Variants in RAB3GAP1 observed in about 807,000 individuals in gnomAD.
RAB3GAP1 encodes RAB3 GTPase activating protein catalytic subunit 1.
In RAB3GAP1, 86 loss-of-function variants were observed where a neutral mutation model predicts 130.7. The ratio of observed to expected loss-of-function variants is 0.66; its 90% CI spans 0.55 to 0.79. The LOEUF (loss-of-function observed/expected upper bound fraction) is 0.79. RAB3GAP1 is among the 30% of genes least tolerant of loss of function. The pLI, the probability that RAB3GAP1 is intolerant of heterozygous loss-of-function variation, is 0.00. For missense variants in RAB3GAP1, 1,029 were observed against 1,169.4 expected (o/e 0.88, Z 1.75); for synonymous variants, 367 against 401.7 (o/e 0.91, Z 1.03).
At chr2:135,117,454 C>G (rs1691009665) in intron 7 of RAB3GAP1, among the ~76,000 whole-genome samples, 3 of 109,020 alleles carry the variant, frequency 2.8e-5, no homozygotes, top group Admixed American at 1.1e-4. Context: ...TCTTCTTCTT[C>G]TGCTTCTGCT....
chr2:135,172,900 G>C (rs1487255873), downstream of RAB3GAP1, among the ~76,000 whole-genome samples: 1 of 152,164 alleles, frequency 6.6e-6, no homozygotes, highest in Non-Finnish European at 1.5e-5. Flanking sequence ...GGAAGTGTTG[G>C]TATGTCACTC....
intron 3 of RAB3GAP1, among the ~76,000 whole-genome samples, chr2:135,073,094 CA>C (rs1350888375): frequency 6.6e-6 from 1 of 152,214 alleles, no homozygotes; most frequent in African/African-American, 2.4e-5. Flanking sequence ...ACATATTAAG[CA>C]GACACCCATC....
intron 7 of RAB3GAP1, among the ~76,000 whole-genome samples, chr2:135,119,078 C>CCCTA (rs1691113740): frequency 7.2e-6 from 1 of 138,528 alleles, no homozygotes; most frequent in Admixed American, 7.1e-5. Flanking sequence ...CTTCCTCCCT[C>CCCTA]CCTCCCTCCC....
intron 3 of RAB3GAP1, among the ~76,000 whole-genome samples, chr2:135,069,206 A>T (rs1426154719): frequency 6.6e-6 from 1 of 152,164 alleles, no homozygotes; most frequent in Non-Finnish European, 1.5e-5. Flanking sequence ...AACCCCTTGA[A>T]CTTGTCATGT....
intron 5 of RAB3GAP1, among the ~76,000 whole-genome samples, chr2:135,101,631 T>C (rs1307973445): frequency 6.6e-6 from 1 of 152,182 alleles, no homozygotes; most frequent in Non-Finnish European, 1.5e-5. Flanking sequence ...TCAGATTAGC[T>C]CCAAGCCTGT....
At chr2:135,174,923 C>T (rs182527428), downstream of RAB3GAP1, among the ~76,000 whole-genome samples, 89 of 152,324 alleles carry the variant, frequency 5.8e-4, no homozygotes, top group Admixed American at 1.4e-3. Flanking sequence ...TGGGTTGGGA[C>T]GTGCCCTATC....
chr2:135,094,563 CT>C (rs1690238692), intron 5 of RAB3GAP1, among the ~76,000 whole-genome samples: 1 of 152,166 alleles, frequency 6.6e-6, no homozygotes, highest in African/African-American at 2.4e-5. Context: ...TTCTAAGCCT[CT>C]GGTAATTCTA....
At chr2:135,095,791 G>A (rs1690276624) in intron 5 of RAB3GAP1, among the ~76,000 whole-genome samples, 1 of 152,162 alleles carries the variant, frequency 6.6e-6, no homozygotes. Flanking sequence ...TTTGTCCAGT[G>A]TATCTACAAT....
downstream of RAB3GAP1, among the ~76,000 whole-genome samples, chr2:135,171,664 G>A (rs936652425): frequency 6.6e-6 from 1 of 152,148 alleles, no homozygotes; most frequent in Non-Finnish European, 1.5e-5. Context: ...TGTTTATTGA[G>A]TACCTGCTAT....
intron 3 of RAB3GAP1, among the ~76,000 whole-genome samples, chr2:135,074,981 C>T (rs891766877): frequency 6.6e-6 from 1 of 152,116 alleles, no homozygotes; most frequent in Non-Finnish European, 1.5e-5. Flanking sequence ...AGTTGTTCTC[C>T]CCCACCTGGG....
At chr2:135,167,697 C>A in intron 23 of RAB3GAP1, 1 of 1,493,698 alleles carries the variant, frequency 6.7e-7, no homozygotes, top group Non-Finnish European at 9.0e-7. Context: ...CTCAAGCTGA[C>A]TGAATCTTCT....
At chr2:135,142,843 A>C (rs1323690449) in intron 17 of RAB3GAP1, among the ~76,000 whole-genome samples, 1 of 151,300 alleles carries the variant, frequency 6.6e-6, no homozygotes, top group East Asian at 1.9e-4. Flanking sequence ...CATTCCTGGT[A>C]TATATCCCAC....
chr2:135,156,650 A>G (rs1434154178), intron 19 of RAB3GAP1, among the ~76,000 whole-genome samples: 3 of 152,200 alleles, frequency 2.0e-5, no homozygotes, highest in Non-Finnish European at 4.4e-5. Context: ...ATCAGAAAAT[A>G]TATAGAAACT....
At position 135,169,536 on chromosome 2, in the gene RAB3GAP1, C is replaced by T; in HGVS notation, c.*755C>T. 1 of 189,648 alleles carries T rather than the reference C, an allele frequency of 5.3e-6. No individual in the cohort carries two copies. The highest frequency in any genetic ancestry group is 9.2e-5 in the South Asian group (1 of 10,924). The allele number at this position is 189,648 out of a possible 1,614,324, so 11.7% of individuals were successfully genotyped here. ...ATGGCCCTGAAAATCGTCTCCCTCC[C>T]CTTCTCTTGCTGTACAGCATGCGTT... On this transcript the variant is annotated 3_prime_UTR_variant, in exon 24 of 24. Coordinates refer to ENST00000264158, the MANE Select transcript of RAB3GAP1 (RefSeq NM_012233.3).
At chr2:135,112,558 A>G (rs1317320833) in intron 5 of RAB3GAP1, among the ~76,000 whole-genome samples, 2 of 152,178 alleles carry the variant, frequency 1.3e-5, no homozygotes, top group African/African-American at 4.8e-5. Context: ...GAGGCATCAG[A>G]CACCTCTCCC....
chr2:135,056,490 G>A (rs1294396162), intron 2 of RAB3GAP1, among the ~76,000 whole-genome samples: 8 of 152,172 alleles, frequency 5.3e-5, no homozygotes, highest in African/African-American at 1.4e-4. Flanking sequence ...CGCGTGAGCC[G>A]CTGTGCCTGG....
chr2:135,126,750 C>T, intron 11 of RAB3GAP1, 94 bp downstream of exon 11: 2 of 1,060,006 alleles, frequency 1.9e-6, no homozygotes, highest in Non-Finnish European at 3.0e-6. Flanking sequence ...TTTGTCACCT[C>T]TTCAGTTAAC....
chr2:135,164,622 G>C lies in RAB3GAP1; in HGVS notation c.2635G>C (p.Glu879Gln), dbSNP rs1292718271. The change falls in exon 23 of 24, where the codon GAA (glutamate) becomes CAA (glutamine). Residue 879 changes from glutamate to glutamine, a missense_variant. Around this residue, in one of 3 missense-constraint regions of RAB3GAP1, gnomAD observed 146 missense variants for 143.7 expected, o/e 1.02. Transcript: ENST00000264158. Reference sequence around the variant, plus strand: ...TGTGAGTTGCCTGCTGGAGCAGCCTGAAGTGTTAGTCACCGGTGCAGGAAG... The same window carrying C: ...TGTGAGTTGCCTGCTGGAGCAGCCTCAAGTGTTAGTCACCGGTGCAGGAAG... ...RFVSCLLEQP[E>Q]VLVTGAGRGH... 1 of 1,613,266 alleles carries C rather than the reference G, an allele frequency of 6.2e-7. No individual in the cohort carries two copies. Among genetic ancestry groups the C allele is most frequent in the Non-Finnish European group, 8.5e-7 (1 of 1,179,632 alleles).
chr2:135,060,940 G>A (rs993636666), intron 3 of RAB3GAP1, among the ~76,000 whole-genome samples: 11 of 150,332 alleles, frequency 7.3e-5, no homozygotes, highest in African/African-American at 2.2e-4. Context: ...CTGGCCTAAA[G>A]CAATCTGCTT....
Sources: gnomAD v4.1 joint callset for allele counts (sites outside exome capture counted in the v4.1 genomes callset) on GRCh38, gnomAD v4.1.1 for gene constraint, gnomAD v4.1.1 regional missense constraint, MANE v1.5 for transcripts, NCBI Gene and HGNC (gene_info 2026-07-23, HGNC 2026-07-21) for gene names.